Variants in SORBS2 observed in about 807,000 individuals in gnomAD.
SORBS2 encodes sorbin and SH3 domain-containing protein 2.
A neutral mutation model predicts 97.7 loss-of-function variants in SORBS2; 46 were observed. That is an observed-to-expected ratio of 0.47 (90% CI 0.37 to 0.60). The LOEUF (loss-of-function observed/expected upper bound fraction) is 0.60. Ranked by LOEUF, SORBS2 falls within the 20% of genes least tolerant of loss-of-function variation. The pLI, the probability that SORBS2 is intolerant of heterozygous loss-of-function variation, is 0.00. For missense variants in SORBS2, 1,316 were observed against 1,282.3 expected (o/e 1.03, Z -0.40); for synonymous variants, 476 against 473.4 (o/e 1.01, Z -0.07).
At chr4:185,791,209 G>C (rs1161411254) in intron 1 of SORBS2, among the ~76,000 whole-genome samples, 1 of 152,294 alleles carries the variant, frequency 6.6e-6, no homozygotes, top group East Asian at 1.9e-4. Context: ...GCAATGGTAA[G>C]TATAAATTTA....
At chr4:185,899,162 C>A (rs960093676) in intron 1 of SORBS2, among the ~76,000 whole-genome samples, 1 of 152,084 alleles carries the variant, frequency 6.6e-6, no homozygotes, top group Non-Finnish European at 1.5e-5. Context: ...CCGGTACAGC[C>A]CCTCCCAGCA....
At chr4:185,886,554 C>CAAAAAAAAAAAAAAAAAAAA (rs1198439527) in intron 1 of SORBS2, among the ~76,000 whole-genome samples, 2 of 72,936 alleles carry the variant, frequency 2.7e-5, no homozygotes, top group African/African-American at 6.1e-5. Context: ...GACTCTGTCT[C>CAAAAAAAAAAAAAAAAAAAA]AAAAAAAAAA....
intron 1 of SORBS2, among the ~76,000 whole-genome samples, chr4:185,875,875 T>G (rs989882533): frequency 6.6e-6 from 1 of 152,126 alleles, no homozygotes; most frequent in African/African-American, 2.4e-5. Context: ...CTTCCAAGAC[T>G]TTTTCCCCCT....
intron 1 of SORBS2, among the ~76,000 whole-genome samples, chr4:185,817,662 C>T (rs768496602): frequency 5.9e-5 from 9 of 152,154 alleles, no homozygotes; most frequent in East Asian, 1.9e-4. Flanking sequence ...AGTAACGAAA[C>T]GCACCAGGCT....
At chr4:185,702,694 G>A (rs1486890584) in intron 2 of SORBS2, among the ~76,000 whole-genome samples, 4 of 151,760 alleles carry the variant, frequency 2.6e-5, no homozygotes, top group African/African-American at 9.7e-5. Flanking sequence ...GTGGGAGTCG[G>A]TGTTAAGCCT....
intron 12 of SORBS2, among the ~76,000 whole-genome samples, chr4:185,602,021 A>AT (rs963359981): frequency 5.9e-5 from 9 of 152,040 alleles, no homozygotes; most frequent in African/African-American, 1.4e-4. Flanking sequence ...GATTTATACT[A>AT]TTTTTTTTGA....
At chr4:185,701,809 T>C (rs556428675) in intron 2 of SORBS2, among the ~76,000 whole-genome samples, 2 of 152,008 alleles carry the variant, frequency 1.3e-5, no homozygotes, top group African/African-American at 4.8e-5. Flanking sequence ...CTTGCTCTGT[T>C]GCCAGGCTGG....
chr4:185,643,309 C>T (rs926855834), intron 4 of SORBS2, among the ~76,000 whole-genome samples: 1 of 152,066 alleles, frequency 6.6e-6, no homozygotes, highest in African/African-American at 2.4e-5. Context: ...AGAGGCCCAG[C>T]AATGCGGGAA....
rs569374944 is a variant in SORBS2, at chr4:185,741,410, T to G, written c.-198+33817A>C. 2.1e-4 allele frequency among the ~76,000 whole-genome samples: 31 copies of G among 144,586 alleles called. No homozygotes were observed. The East Asian group carries it at 3.0e-3, about 14-fold the overall frequency. 94.9% of individuals were successfully genotyped at this position (144,586 alleles called of 152,430 possible). On this transcript the variant is annotated intron_variant, in intron 2 of 20. Coordinates refer to the SORBS2 transcript ENST00000284776. ...TTTCTTTTCTTTTTTTTTTGTTTTT[T>G]TTTTTTTTTTTGAGGGGGAGTCTCG...
chr4:185,819,903 A>T (rs760420971), intron 1 of SORBS2, among the ~76,000 whole-genome samples: 1 of 152,178 alleles, frequency 6.6e-6, no homozygotes, highest in Non-Finnish European at 1.5e-5. Flanking sequence ...AATATTCTGC[A>T]ATTTGTTAGC....
chr4:185,848,447 T>A (rs1343591266), intron 1 of SORBS2, among the ~76,000 whole-genome samples: 1 of 152,190 alleles, frequency 6.6e-6, no homozygotes, highest in African/African-American at 2.4e-5. Context: ...TGTGACTGAT[T>A]TTGAAACCAG....
At chr4:185,864,756 C>CA (rs1277987450) in intron 1 of SORBS2, among the ~76,000 whole-genome samples, 1 of 151,868 alleles carries the variant, frequency 6.6e-6, no homozygotes, top group Non-Finnish European at 1.5e-5. Context: ...ACTAAAAACA[C>CA]AAAAAATTAC....
chr4:185,867,724 G>T (rs2099227761), intron 1 of SORBS2, among the ~76,000 whole-genome samples: 1 of 152,096 alleles, frequency 6.6e-6, no homozygotes, highest in Non-Finnish European at 1.5e-5. Context: ...ATTGAAGGGA[G>T]GTCCCAGGCA....
intron 1 of SORBS2, among the ~76,000 whole-genome samples, chr4:185,839,550 T>C (rs1473890129): frequency 6.6e-6 from 1 of 152,070 alleles, no homozygotes; most frequent in Non-Finnish European, 1.5e-5. Context: ...CACTGAGCGC[T>C]CCCTAGGGAG....
chr4:185,824,658 T>A (rs994380227), intron 1 of SORBS2, among the ~76,000 whole-genome samples: 1 of 151,924 alleles, frequency 6.6e-6, no homozygotes, highest in Admixed American at 6.5e-5. Context: ...GTGGAAAAGA[T>A]CAATTAAACT....
At chr4:185,781,645 C>T (rs2099030925) in intron 1 of SORBS2, among the ~76,000 whole-genome samples, 1 of 84,136 alleles carries the variant, frequency 1.2e-5, no homozygotes, top group South Asian at 2.8e-4. Flanking sequence ...TGCCTCCGGC[C>T]TCTCCAGCGT....
chr4:185,651,217 C>G (rs975118406), intron 2 of SORBS2, among the ~76,000 whole-genome samples: 5 of 152,208 alleles, frequency 3.3e-5, no homozygotes, highest in African/African-American at 1.2e-4. Context: ...CTGCAGACCC[C>G]TGCACGAGAT....
intron 2 of SORBS2, among the ~76,000 whole-genome samples, chr4:185,730,360 T>A (rs2153570629): frequency 6.7e-6 from 1 of 150,256 alleles, no homozygotes; most frequent in African/African-American, 2.4e-5. Flanking sequence ...ATTCATTTAA[T>A]CATCTGGAGA....
chr4:185,715,612 TG>T (rs1414095658), intron 2 of SORBS2, among the ~76,000 whole-genome samples: 1 of 152,198 alleles, frequency 6.6e-6, no homozygotes, highest in African/African-American at 2.4e-5. Context: ...ATTTCAAAAT[TG>T]TTTTTGATAG....
Sources: gnomAD v4.1 joint callset for allele counts (sites outside exome capture counted in the v4.1 genomes callset) on GRCh38, gnomAD v4.1.1 for gene constraint, MANE v1.5 for transcripts, NCBI Gene and HGNC (gene_info 2026-07-23, HGNC 2026-07-21) for gene names.